ERG: variants seen among roughly 807,000 people sequenced by gnomAD.
ERG encodes transcriptional regulator ERG.
In ERG, 9 loss-of-function variants were observed where a neutral mutation model predicts 55.3. The observed-to-expected ratio is 0.16, with a 90% CI of 0.10 to 0.28. ERG has a LOEUF of 0.28. Ranked by LOEUF, ERG falls within the 10% of genes least tolerant of loss-of-function variation. The pLI is 1.00. For missense variants in ERG, 434 were observed against 631.6 expected, an observed-to-expected ratio of 0.69 and a Z score of 3.35; for synonymous variants, 223 against 237.3, an observed-to-expected ratio of 0.94 and a Z score of 0.55.
rs1343925784 is a variant in ERG at position 38,548,696 on chromosome 21, CCTCATGAT to C, written c.-41+26958_-41+26965del. On this transcript the variant is annotated intron_variant, in intron 2 of 8. Coordinates refer to the ERG transcript ENST00000398897. ...AGCCAGGATGGTCTCGATCTCCTGA[CCTCATGAT>C]CTGCCAGCCTTAACCTCCCAAAGTG... 2.0e-5 allele frequency among the ~76,000 whole-genome samples: 3 copies of C among 146,588 alleles called. No homozygotes were observed. The Admixed American group carries it at 2.0e-4, about 10-fold the overall frequency.
chr21:38,631,773 T>C (rs1263604686), intron 1 of ERG, among the ~76,000 whole-genome samples: 1 of 151,910 alleles, frequency 6.6e-6, no homozygotes, highest in African/African-American at 2.4e-5. Flanking sequence ...TCATCCCAGC[T>C]CAACCCTCCT....
intron 2 of ERG, among the ~76,000 whole-genome samples, chr21:38,426,699 G>C (rs1479411474): frequency 6.6e-6 from 1 of 152,134 alleles, no homozygotes; most frequent in Non-Finnish European, 1.5e-5. Context: ...GGGAGGCCGA[G>C]CTGGGCGGAT....
Position 38,380,734 on chromosome 21 carries a change from C to T in ERG, c.*2669G>A. The T allele has an allele frequency of 9.4e-7, 1 of 1,065,070 alleles. No individual in the cohort carries two copies. Among genetic ancestry groups the T allele is most frequent in the East Asian group, 5.0e-5 (1 of 20,008 alleles). 66.0% of individuals were successfully genotyped at this position (1,065,070 alleles called of 1,614,324 possible). ...AAAATTATCCCAGTTGCTCATAAGA[C>T]TTGCTAATAACCTGGACTGGGGGTG... is the stretch of plus-strand genomic sequence containing the variant. On this transcript the variant is annotated 3_prime_UTR_variant, in exon 10 of 10. Coordinates refer to ENST00000288319, the MANE Select transcript of ERG (RefSeq NM_182918.4).
At chr21:38,522,995 T>C (rs534394380) in intron 2 of ERG, among the ~76,000 whole-genome samples, 6 of 152,358 alleles carry the variant, frequency 3.9e-5, no homozygotes, top group African/African-American at 1.2e-4. Flanking sequence ...TTGTTCCATA[T>C]GGACTAGGGT....
chr21:38,599,487 G>A (rs971089337), intron 1 of ERG, among the ~76,000 whole-genome samples: 1 of 152,146 alleles, frequency 6.6e-6, no homozygotes, highest in Non-Finnish European at 1.5e-5. Flanking sequence ...ATGATGCATG[G>A]CCAAGTAACC....
At chr21:38,368,415 C>T in the ERG span, among the ~76,000 whole-genome samples, 1 of 152,168 alleles carries the variant, frequency 6.6e-6, no homozygotes, top group Admixed American at 6.5e-5. Context: ...GTATAAACTC[C>T]ATTATGTGGA....
At chr21:38,550,465 G>A (rs1321172839) in intron 2 of ERG, among the ~76,000 whole-genome samples, 2 of 152,198 alleles carry the variant, frequency 1.3e-5, no homozygotes, top group African/African-American at 4.8e-5. Context: ...CATAAGGATG[G>A]AGGTCTCATG....
At chr21:38,477,606 G>C (rs1486716492) in intron 1 of ERG, among the ~76,000 whole-genome samples, 2 of 152,116 alleles carry the variant, frequency 1.3e-5, no homozygotes, top group Non-Finnish European at 2.9e-5. Context: ...AATAGCTGAG[G>C]TCACTTAATT....
intron 3 of ERG, among the ~76,000 whole-genome samples, chr21:38,414,530 G>A (rs1342025499): frequency 6.6e-6 from 1 of 152,068 alleles, no homozygotes; most frequent in Non-Finnish European, 1.5e-5. Flanking sequence ...TTTTATCCCA[G>A]GTACTGTTTA....
chr21:38,581,382 T>C (rs1316387490), intron 1 of ERG, among the ~76,000 whole-genome samples: 1 of 152,232 alleles, frequency 6.6e-6, no homozygotes, highest in Non-Finnish European at 1.5e-5. Flanking sequence ...TGTAGTATAA[T>C]AAGAACTCCA....
intron 1 of ERG, among the ~76,000 whole-genome samples, chr21:38,637,051 A>G (rs2060393651): frequency 6.6e-6 from 1 of 151,984 alleles, no homozygotes; most frequent in Non-Finnish European, 1.5e-5. Context: ...CAGGCTTGGA[A>G]CCGCACGCTG....
chr21:38,521,359 G>A (rs1039667998), intron 2 of ERG, among the ~76,000 whole-genome samples: 1 of 152,090 alleles, frequency 6.6e-6, no homozygotes. Flanking sequence ...GAGAAGTTAC[G>A]TCTCTTGCCC....
intron 2 of ERG, among the ~76,000 whole-genome samples, chr21:38,436,020 CTTTTT>C (rs11384369): frequency 7.5e-6 from 1 of 133,334 alleles, no homozygotes; most frequent in African/African-American, 2.8e-5. Context: ...TTCTTTTTTT[CTTTTT>C]TTTTTTTTTT....
intron 1 of ERG, among the ~76,000 whole-genome samples, chr21:38,642,103 T>A (rs944711559): frequency 6.6e-6 from 1 of 152,246 alleles, no homozygotes; most frequent in Non-Finnish European, 1.5e-5. Context: ...AAAAGTAATG[T>A]GGCATTAAAA....
At chr21:38,651,684 T>C (rs1402023266) in intron 1 of ERG, among the ~76,000 whole-genome samples, 1 of 152,184 alleles carries the variant, frequency 6.6e-6, no homozygotes, top group Non-Finnish European at 1.5e-5. Context: ...TCTATTTCCT[T>C]TGCCCAGCAC....
At chr21:38,505,680 G>T (rs910058045) in intron 2 of ERG, among the ~76,000 whole-genome samples, 4 of 152,204 alleles carry the variant, frequency 2.6e-5, no homozygotes, top group African/African-American at 9.6e-5. Context: ...TTTTCCCACT[G>T]CGCGGTTGCC....
intron 9 of ERG, among the ~76,000 whole-genome samples, chr21:38,390,666 T>C (rs1377892437): frequency 6.6e-6 from 1 of 152,180 alleles, no homozygotes; most frequent in Non-Finnish European, 1.5e-5. Context: ...GAACGAAACC[T>C]GCCACCATGA....
intron 2 of ERG, among the ~76,000 whole-genome samples, chr21:38,441,008 A>G (rs1018073074): frequency 1.6e-4 from 24 of 152,084 alleles, no homozygotes; most frequent in African/African-American, 5.8e-4. Context: ...TTATGTTTCA[A>G]TTCTTTCAGA....
intron 1 of ERG, among the ~76,000 whole-genome samples, chr21:38,594,212 G>C (rs2060118187): frequency 6.6e-6 from 1 of 152,078 alleles, no homozygotes; most frequent in South Asian, 2.1e-4. Context: ...AGTTTTGACT[G>C]GTTTACAAGG....
Sources: allele counts gnomAD v4.1 joint callset (sites outside exome capture counted in the v4.1 genomes callset), GRCh38; gene constraint gnomAD v4.1.1; transcripts MANE v1.5; gene names NCBI Gene and HGNC (gene_info 2026-07-23, HGNC 2026-07-21).